DLG2: variants seen among roughly 807,000 people sequenced by gnomAD.
DLG2 encodes the protein disks large homolog 2.
Under a neutral mutation model 132.5 loss-of-function variants are expected in DLG2, and 45 were observed. The observed-to-expected ratio is 0.34, with a 90% CI of 0.27 to 0.44. The LOEUF is 0.44. Ranked by LOEUF, DLG2 falls within the 20% of genes least tolerant of loss-of-function variation. The pLI is 1.00. For synonymous variants in DLG2, 424 were observed against 419.6 expected (o/e 1.01, Z -0.13); for missense variants, 1,045 against 1,196.9 (o/e 0.87, Z 1.87).
chr11:84,909,046 G>A (rs1005978601), intron 6 of DLG2, among the ~76,000 whole-genome samples: 25 of 152,018 alleles, frequency 1.6e-4, no homozygotes, highest in African/African-American at 5.8e-4. Flanking sequence ...TTGTTCACAT[G>A]TAATTCCACA....
chr11:83,960,816 A>G (rs2088492059), intron 14 of DLG2, among the ~76,000 whole-genome samples: 1 of 152,010 alleles, frequency 6.6e-6, no homozygotes, highest in African/African-American at 2.4e-5. Flanking sequence ...AGTGTGAAGC[A>G]CCTATGAGAG....
At chr11:83,893,016 T>C (rs1005869944) in intron 15 of DLG2, among the ~76,000 whole-genome samples, 9 of 152,196 alleles carry the variant, frequency 5.9e-5, no homozygotes, top group African/African-American at 2.2e-4. Flanking sequence ...GAGGTACCGC[T>C]CACTGAGTTC....
chr11:84,631,004 TCTCTCTCTCTCTCTCA>T (rs1260583051), intron 6 of DLG2, among the ~76,000 whole-genome samples: 37 of 128,866 alleles, frequency 2.9e-4, no homozygotes, highest in South Asian at 2.5e-3. Flanking sequence ...TCTCTCTCTC[TCTCTCTCTCTCTCTCA>T]CACACACACA....
chr11:84,852,017 T>G (rs981917450), intron 6 of DLG2, among the ~76,000 whole-genome samples: 2 of 152,024 alleles, frequency 1.3e-5, no homozygotes, highest in Non-Finnish European at 2.9e-5. Flanking sequence ...GGGATACTTT[T>G]AATGAACCGA....
At chr11:84,454,568 T>C (rs1274478325) in intron 7 of DLG2, among the ~76,000 whole-genome samples, 1 of 151,348 alleles carries the variant, frequency 6.6e-6, no homozygotes, top group African/African-American at 2.4e-5. Context: ...ATTTTCAATA[T>C]CCCAAAACTG....
chr11:85,619,878 C>T (rs2081583676), intron 2 of DLG2, among the ~76,000 whole-genome samples: 2 of 151,482 alleles, frequency 1.3e-5, no homozygotes, highest in Admixed American at 6.6e-5. Flanking sequence ...GTATGGCAAA[C>T]ATGAAAATTC....
At chr11:85,592,303 T>G (rs1280532343) in intron 3 of DLG2, among the ~76,000 whole-genome samples, 1 of 152,212 alleles carries the variant, frequency 6.6e-6, no homozygotes, top group African/African-American at 2.4e-5. Context: ...TTTATTTAAA[T>G]AAGTATTGTA....
chr11:85,382,753 A>C (rs1433372657), intron 3 of DLG2, among the ~76,000 whole-genome samples: 1 of 152,182 alleles, frequency 6.6e-6, no homozygotes, highest in Non-Finnish European at 1.5e-5. Flanking sequence ...CAACATCATT[A>C]GTCATTAGGG....
chr11:84,111,646 C>T (rs180853496), intron 9 of DLG2, among the ~76,000 whole-genome samples: 101 of 152,294 alleles, frequency 6.6e-4, no homozygotes, highest in African/African-American at 2.3e-3. Flanking sequence ...TTTGAATCAC[C>T]TAATTAATTC....
At chr11:83,924,742 T>C (rs2078639124) in intron 15 of DLG2, among the ~76,000 whole-genome samples, 1 of 152,158 alleles carries the variant, frequency 6.6e-6, no homozygotes, top group African/African-American at 2.4e-5. Context: ...TGAGGTCTTA[T>C]AAAATAAAGA....
intron 21 of DLG2, among the ~76,000 whole-genome samples, chr11:83,490,108 T>G (rs1290170632): frequency 1.3e-5 from 2 of 152,008 alleles, no homozygotes; most frequent in Non-Finnish European, 2.9e-5. Flanking sequence ...TAGAATGTTT[T>G]AGAGAAATGG....
chr11:84,294,713 C>T (rs955757018), intron 7 of DLG2, among the ~76,000 whole-genome samples: 35 of 152,116 alleles, frequency 2.3e-4, no homozygotes, highest in Non-Finnish European at 8.8e-5. Flanking sequence ...ACTTAATGAA[C>T]GTTATCTTCT....
At chr11:84,976,408 C>G (rs1490745127) in intron 6 of DLG2, among the ~76,000 whole-genome samples, 1 of 152,092 alleles carries the variant, frequency 6.6e-6, no homozygotes, top group Non-Finnish European at 1.5e-5. Context: ...TCACACATAA[C>G]AGAGAACCTA....
intron 16 of DLG2, among the ~76,000 whole-genome samples, chr11:83,868,801 T>C (rs890335491): frequency 3.9e-5 from 6 of 152,142 alleles, no homozygotes; most frequent in African/African-American, 1.4e-4. Flanking sequence ...CTCCTCCCTG[T>C]CCCCAACACT....
At chr11:85,586,021 T>C (rs576337786) in intron 3 of DLG2, among the ~76,000 whole-genome samples, 4 of 152,322 alleles carry the variant, frequency 2.6e-5, no homozygotes, top group African/African-American at 9.6e-5. Flanking sequence ...CCAACCTGTA[T>C]CACATTTATT....
At chr11:84,268,090 C>T (rs1275478240) in intron 7 of DLG2, among the ~76,000 whole-genome samples, 5 of 152,192 alleles carry the variant, frequency 3.3e-5, no homozygotes, top group African/African-American at 7.2e-5. Context: ...AACATACTCT[C>T]ATTTCATACT....
At chr11:84,746,868 T>G (rs1397516850) in intron 6 of DLG2, among the ~76,000 whole-genome samples, 1 of 152,156 alleles carries the variant, frequency 6.6e-6, no homozygotes, top group Non-Finnish European at 1.5e-5. Flanking sequence ...GGTAGTAAGA[T>G]AACTGTGGCA....
intron 7 of DLG2, among the ~76,000 whole-genome samples, chr11:84,373,265 C>CAAAAAAAAAAAAAAAAAAAAAAAAAA (rs59038372): frequency 3.1e-5 from 3 of 98,090 alleles, no homozygotes; most frequent in Non-Finnish European, 3.6e-5. Flanking sequence ...AAAAAAAAAA[C>CAAAAAAAAAAAAAAAAAAAAAAAAAA]AAAACAAAAA....
intron 21 of DLG2, among the ~76,000 whole-genome samples, chr11:83,526,480 A>C (rs1336899831): frequency 2.6e-5 from 4 of 152,130 alleles, no homozygotes; most frequent in African/African-American, 9.7e-5. Flanking sequence ...ACATCGTGCT[A>C]GGTGCTGGGG....
Sources: allele counts gnomAD v4.1 joint callset (sites outside exome capture counted in the v4.1 genomes callset), GRCh38; gene constraint gnomAD v4.1.1; transcripts MANE v1.5; gene names NCBI Gene and HGNC (gene_info 2026-07-23, HGNC 2026-07-21).